The following ZNF554 variants were observed in gnomAD, a reference collection of about 807,000 sequenced individuals.
ZNF554 encodes zinc finger protein 554.
In ZNF554, 15 loss-of-function variants were observed where a neutral mutation model predicts 21.2. That is an observed-to-expected ratio of 0.71 (90% CI 0.47 to 1.09). The LOEUF is 1.09. Among genes scored for constraint, ZNF554 ranks in the 50% least tolerant of loss-of-function variants. The pLI is 0.00. For missense variants in ZNF554, 691 were observed against 662.7 expected (o/e 1.04, Z -0.47); for synonymous variants, 258 against 251.4 (o/e 1.03, Z -0.25).
Position 2,823,105 on chromosome 19 carries a change from G to A in ZNF554, c.119G>A (p.Trp40Ter). The A allele has an allele frequency of 6.2e-7, 1 of 1,612,880 alleles. No homozygotes were observed. Among genetic ancestry groups the A allele is most frequent in the Non-Finnish European group, 8.5e-7 (1 of 1,179,074 alleles). ...ERMAAGYLPR[W>*]SQELVTFEDV... ...ATGGCTGCTGGGTACCTGCCCCGCT[G>A]GTCCCAGGTGAGATGTCCTCATTCT... Residue 40 changes from tryptophan to a stop codon, truncating the protein, a stop_gained, in exon 2 of 5, where the codon TGG (tryptophan) becomes TAG (stop). Coordinates refer to ENST00000317243, the MANE Select transcript of ZNF554 (RefSeq NM_001102651.2). LOFTEE classifies it high-confidence loss of function.
chr19:2,826,861 A>G (rs763346760), intron 2 of ZNF554, among the ~76,000 whole-genome samples: 1 of 151,912 alleles, frequency 6.6e-6, no homozygotes, highest in Non-Finnish European at 1.5e-5. Flanking sequence ...ACGGGGTTTC[A>G]CTGCGTTCGC....
intron 4 of ZNF554, 30 bp from the exon 5 acceptor site, chr19:2,833,651 A>G (rs2087449672): frequency 1.3e-6 from 2 of 1,502,636 alleles, no homozygotes; most frequent in East Asian, 2.3e-5. Context: ...CTTCTTCTAA[A>G]AAAATGGTTT....
chr19:2,822,735 G>A (rs141243634), intron 1 of ZNF554, among the ~76,000 whole-genome samples: 139 of 152,278 alleles, frequency 9.1e-4, no homozygotes, highest in East Asian at 1.9e-3. Context: ...AAAATTAGCC[G>A]GACATGGTGG....
At chr19:2,832,196 G>C (rs1044540478) in intron 3 of ZNF554, 107 bp from the exon 4 acceptor site, 10 of 1,160,774 alleles carry the variant, frequency 8.6e-6, no homozygotes, top group Non-Finnish European at 1.2e-5. Flanking sequence ...AAATTGCTGG[G>C]ATTACAGGAG....
intron 3 of ZNF554, chr19:2,831,028 A>G (rs906385074): frequency 1.3e-5 from 2 of 152,172 alleles, no homozygotes; most frequent in East Asian, 3.9e-4. Context: ...CGCTTCCCAA[A>G]GTGCTGGGAT....
chr19:2,820,736 C>G (rs1247494757), intron 1 of ZNF554, among the ~76,000 whole-genome samples: 1 of 138,164 alleles, frequency 7.2e-6, no homozygotes, highest in Non-Finnish European at 1.5e-5. Context: ...ATGATCTCGG[C>G]TCACTGCAAC....
At chr19:2,823,187 G>A (rs1448649059) in intron 2 of ZNF554, 75 bp downstream of exon 2, 28 of 1,408,738 alleles carry the variant, frequency 2.0e-5, no homozygotes, top group Admixed American at 1.2e-4. Context: ...CTCAGTCCTC[G>A]ATAGAGGAGA....
intron 2 of ZNF554, among the ~76,000 whole-genome samples, chr19:2,824,709 C>T (rs1442697846): frequency 6.6e-6 from 1 of 152,200 alleles, no homozygotes; most frequent in African/African-American, 2.4e-5. Flanking sequence ...TGATGAAACA[C>T]ATGAAATACA....
Position 2,822,298 on chromosome 19 carries a change from G to A in ZNF554, c.54-742G>A, listed in dbSNP as rs1017564511. Among the ~76,000 whole-genome samples, 12 of 152,162 alleles carry A rather than the reference G, an allele frequency of 7.9e-5. No individual in the cohort carries two copies. The South Asian group carries it at 1.5e-3, about 18-fold the overall frequency. On this transcript the variant is annotated intron_variant, in intron 1 of 4. Transcript: ENST00000317243. ...ACCCCTGGGCTCAAGTGATCCTCGC[G>A]CCTCAGCCTCCCAAAGTGCTGGGAT...
At chr19:2,822,638 G>A (rs1198149671) in intron 1 of ZNF554, among the ~76,000 whole-genome samples, 1 of 152,132 alleles carries the variant, frequency 6.6e-6, no homozygotes, top group Non-Finnish European at 1.5e-5. Context: ...CCAGAATTTA[G>A]GGAGGCTGAG....
rs746927217 is a variant in ZNF554 at position 2,834,341 on chromosome 19, G to T, written c.1106G>T (p.Arg369Leu). The change falls in exon 5 of 5, where the codon CGC (arginine) becomes CTC (leucine). Residue 369 changes from arginine to leucine, a missense_variant. Transcript: ENST00000317243. ...RAFTHSSTLT[R>L]HLRTHTGEKP... ...TTTACGCACAGCTCCACCCTCACGCGCCATCTGAGAACTCATACTGGAGAG... is the reference window on the plus strand; with the variant it reads ...TTTACGCACAGCTCCACCCTCACGCTCCATCTGAGAACTCATACTGGAGAG... 1 of 1,613,842 alleles carries T rather than the reference G, an allele frequency of 6.2e-7. No homozygotes were observed. The highest frequency in any genetic ancestry group is 1.3e-5 in the African/African-American group (1 of 74,854).
rs1387591907 is a variant in ZNF554 at position 2,821,665 on chromosome 19, T to C, written c.54-1375T>C. ...CTTCCCTGTGTCTCTTTCTCCTTTT[T>C]TGTTTTTATTTTTATTTTTTGAGAT... On this transcript the variant is annotated intron_variant, in intron 1 of 4. Transcript: ENST00000317243. The surrounding 1 kb of genome is among the most constrained non-coding windows in gnomAD (Gnocchi z 8.2). Among the ~76,000 whole-genome samples, 2 of 151,242 alleles carry C rather than the reference T, an allele frequency of 1.3e-5. No homozygotes were observed. Among genetic ancestry groups the C allele is most frequent in the African/African-American group, 4.9e-5 (2 of 40,620 alleles).
chr19:2,835,274 C>T lies in ZNF554; in HGVS notation c.*422C>T, dbSNP rs2087484528. 1 of 164,496 alleles carries T rather than the reference C, an allele frequency of 6.1e-6. No individual in the cohort carries two copies. Among genetic ancestry groups the T allele is most frequent in the South Asian group, 1.5e-4 (1 of 6,766 alleles). 10.2% of individuals were successfully genotyped at this position (164,496 alleles called of 1,614,324 possible). A position where few individuals can be genotyped will look rare whatever the true frequency, so the allele number is the denominator to read the frequency against. On this transcript the variant is annotated 3_prime_UTR_variant, in exon 5 of 5. Coordinates refer to ENST00000317243, the MANE Select transcript of ZNF554 (RefSeq NM_001102651.2). ...GATCATGAGGTCAGGAGATCGAGAC[C>T]ATCCTGGCTAACACAGTGAAACCCT...
chr19:2,834,497 C>A lies in ZNF554; in HGVS notation c.1262C>A (p.Ser421Tyr). Residue 421 changes from serine (S) to tyrosine (Y), a missense_variant, in exon 5 of 5, where the codon TCT becomes TAT. Transcript: ENST00000317243. ...EDCGKSFCQS[S>Y]YLILHKRTHT... ...TGTGGGAAATCCTTCTGCCAGAGCT[C>A]TTACCTGATCTTGCACAAGAGGACA... is the stretch of plus-strand genomic sequence containing the variant. 1 of 1,614,126 alleles carries A rather than the reference C, an allele frequency of 6.2e-7. No homozygotes were observed. The highest frequency in any genetic ancestry group is 1.1e-5 in the South Asian group (1 of 91,086).
At chr19:2,825,414 C>T (rs917723309) in intron 2 of ZNF554, among the ~76,000 whole-genome samples, 1 of 152,172 alleles carries the variant, frequency 6.6e-6, no homozygotes, top group Non-Finnish European at 1.5e-5. Flanking sequence ...CGGGTTCAAG[C>T]GATTCTCCTG....
intron 3 of ZNF554, among the ~76,000 whole-genome samples, chr19:2,828,717 C>T (rs2087371173): frequency 6.6e-6 from 1 of 151,078 alleles, no homozygotes. Context: ...TTAATGGAGT[C>T]ACAGTTCCAC....
rs1320828649 is a variant in ZNF554 at position 2,828,848 on chromosome 19, TGAGAACTCACTATCAC to T, written c.253+1112_253+1127del. Reference sequence around the variant, plus strand: ...AACCTTATAAAACCATCAGATCTCATGAGAACTCACTATCACGAGAACAGCATGGGGGAACTGCCCC... The same window carrying T: ...AACCTTATAAAACCATCAGATCTCATGAGAACAGCATGGGGGAACTGCCCC... On this transcript the variant is annotated intron_variant, in intron 3 of 4. Coordinates refer to ENST00000317243, the MANE Select transcript of ZNF554 (RefSeq NM_001102651.2). Among the ~76,000 whole-genome samples the T allele has an allele frequency of 1.5e-4, 23 of 152,130 alleles. No homozygotes were observed. The South Asian group carries it at 1.7e-3, about 11-fold the overall frequency.
At chr19:2,826,599 C>G (rs1359231243) in intron 2 of ZNF554, among the ~76,000 whole-genome samples, 2 of 151,938 alleles carry the variant, frequency 1.3e-5, no homozygotes, top group Non-Finnish European at 2.9e-5. Context: ...TCAGCCCCTT[C>G]ATATGTTGAA....
intron 3 of ZNF554, 46 bp downstream of exon 3, chr19:2,827,789 T>C: frequency 6.2e-7 from 1 of 1,610,306 alleles, no homozygotes; most frequent in African/African-American, 1.3e-5. Context: ...TTCACATTTA[T>C]CTGGTGTATT....
Sources: allele counts gnomAD v4.1 joint callset (sites outside exome capture counted in the v4.1 genomes callset), GRCh38; gene constraint gnomAD v4.1.1; non-coding constraint Gnocchi (gnomAD v3.1); transcripts MANE v1.5; gene names NCBI Gene and HGNC (gene_info 2026-07-23, HGNC 2026-07-21).